Variants in PTBP1 observed in about 807,000 individuals in gnomAD.
The protein encoded by PTBP1 is polypyrimidine tract-binding protein 1.
PTBP1 carries 8 observed loss-of-function variants against 59.8 expected under a neutral mutation model. The observed-to-expected ratio is 0.13, with a 90% CI of 0.08 to 0.24. The LOEUF is 0.24. Among genes scored for constraint, PTBP1 ranks in the 10% least tolerant of loss-of-function variants. The pLI is 1.00. For synonymous variants in PTBP1, 490 were observed against 320.7 expected, an observed-to-expected ratio of 1.53 and a Z score of -5.64; for missense variants, 686 against 767.0, an observed-to-expected ratio of 0.89 and a Z score of 1.25.
chr19:810,843 G>T lies in PTBP1; in HGVS notation c.*17G>T. On this transcript the variant is annotated 3_prime_UTR_variant, in exon 15 of 15. Coordinates refer to ENST00000356948, the MANE Select transcript of PTBP1 (RefSeq NM_002819.5). ...ACCATCTAGGGGCACAGGCCCCCAC[G>T]GCCGGGCCCCCTGGCGACAACTTCC... is the stretch of plus-strand genomic sequence containing the variant. 6.6e-7 allele frequency: 1 copy of T among 1,519,350 alleles called. No individual in the cohort carries two copies. The allele number at this position is 1,519,350 out of a possible 1,614,324, so 94.1% of individuals were successfully genotyped here. A position where few individuals can be genotyped will look rare whatever the true frequency, so the allele number is the denominator to read the frequency against.
chr19:810,763 G>A lies in PTBP1; in HGVS notation c.1611G>A (p.Leu537=), dbSNP rs529447940. The A allele has an allele frequency of 6.2e-7, 1 of 1,606,138 alleles. No homozygotes were observed. Among genetic ancestry groups the A allele is most frequent in the Admixed American group, 1.7e-5 (1 of 58,130 alleles). ...AGGCGGTCCAGGCCCTCATTGACCT[G>A]CACAACCACGACCTCGGGGAGAACC... The part of the protein sequence containing the change: ...VEEAVQALID[L]HNHDLGENHH... The change falls in exon 15 of 15, where the codon CTG becomes CTA. Residue 537 remains leucine (L), a synonymous_variant. Transcript: ENST00000356948.
intron 1 of PTBP1, among the ~76,000 whole-genome samples, chr19:798,193 C>T (rs1410589450): frequency 2.0e-5 from 3 of 151,966 alleles, no homozygotes; most frequent in Non-Finnish European, 2.9e-5. Flanking sequence ...GCCCCGGGGC[C>T]GGAGGGGCCT....
chr19:810,643 C>G, intron 14 of PTBP1, 23 bp downstream of exon 14: 2 of 1,612,618 alleles, frequency 1.2e-6, no homozygotes, highest in Non-Finnish European at 1.7e-6. Flanking sequence ...CGGGCTGTCC[C>G]TGGCTCTCCC....
chr19:801,675 G>A (rs1435443058), intron 2 of PTBP1, among the ~76,000 whole-genome samples: 3 of 152,236 alleles, frequency 2.0e-5, no homozygotes, highest in East Asian at 1.9e-4. Flanking sequence ...GGGGAGAGCA[G>A]ACAGGAAGCG....
rs760385060 is a variant in PTBP1 at position 810,587 on chromosome 19, A to T, written c.1508A>T (p.Asn503Ile). The T allele has an allele frequency of 3.7e-6, 6 of 1,613,474 alleles. No individual in the cohort carries two copies. Among genetic ancestry groups the T allele is most frequent in the Non-Finnish European group, 5.1e-6 (6 of 1,179,854 alleles). Residue 503 changes from asparagine to isoleucine, a missense_variant, in exon 14 of 15, where the codon AAT (asparagine) becomes ATT (isoleucine). Transcript: ENST00000356948. ...GATCTCAAGGTCCTGTTTTCCAGCA[A>T]TGGGGGCGTCGTCAAAGGATTCAAG... ...EEDLKVLFSS[N>I]GGVVKGFKFF... is the part of the protein sequence containing the mutation.
At position 804,648 on chromosome 19, in the gene PTBP1, C is replaced by G; in HGVS notation, c.552C>G (p.Leu184=). 1 of 1,613,088 alleles carries G rather than the reference C, an allele frequency of 6.2e-7. No homozygotes were observed. Among genetic ancestry groups the G allele is most frequent in the Non-Finnish European group, 8.5e-7 (1 of 1,179,846 alleles). ...CGATGGCCGGGCAGAGCCCCGTGCT[C>G]AGGATCATCGTGGAGAACCTCTTCT... ...GMAMAGQSPV[L]RIIVENLFYP... Residue 184 remains leucine (L), a synonymous_variant, in exon 6 of 15, where the codon CTC becomes CTG. Transcript: ENST00000356948.
In PTBP1 at chr19:811,753, G is replaced by C. The variant is rs2034886984; in HGVS notation, c.*927G>C. The C allele has an allele frequency of 6.6e-6, 1 of 152,422 alleles. No individual in the cohort carries two copies. Among genetic ancestry groups the C allele is most frequent in the African/African-American group, 2.4e-5 (1 of 41,458 alleles). 9.4% of individuals were successfully genotyped at this position (152,422 alleles called of 1,614,324 possible). A position where few individuals can be genotyped will look rare whatever the true frequency, so the allele number is the denominator to read the frequency against. On this transcript the variant is annotated 3_prime_UTR_variant, in exon 15 of 15. Coordinates refer to ENST00000356948, the MANE Select transcript of PTBP1 (RefSeq NM_002819.5). ...GCTTCAGGGAAGGGGCGGGCGTGTCGCCGCCTCTGGCATCGCCTCCGGTTG... is the reference window on the plus strand; with the variant it reads ...GCTTCAGGGAAGGGGCGGGCGTGTCCCCGCCTCTGGCATCGCCTCCGGTTG...
intron 1 of PTBP1, 54 bp from the exon 2 acceptor site, chr19:799,359 C>A (rs781605811): frequency 1.3e-6 from 2 of 1,568,508 alleles, no homozygotes; most frequent in Non-Finnish European, 1.8e-6. Flanking sequence ...GCTGGGTGCT[C>A]CTGCTGCTGA....
At chr19:806,303 C>G (rs529294971) in intron 9 of PTBP1, 105 bp from the exon 10 acceptor site, 3 of 1,306,732 alleles carry the variant, frequency 2.3e-6, no homozygotes, top group Non-Finnish European at 3.0e-6. Context: ...GGCCGCCTCC[C>G]GCGCGGCTCG....
chr19:798,118 G>A (rs2034162040), intron 1 of PTBP1, among the ~76,000 whole-genome samples: 1 of 151,688 alleles, frequency 6.6e-6, no homozygotes, highest in Non-Finnish European at 1.5e-5. Context: ...CGTGCGCCCC[G>A]GGCCGCGGCC....
chr19:802,431 G>A (rs2034374914), intron 2 of PTBP1, among the ~76,000 whole-genome samples: 1 of 151,594 alleles, frequency 6.6e-6, no homozygotes, highest in East Asian at 1.9e-4. Context: ...ACCAGGCATG[G>A]GGGTGTGTGG....
intron 10 of PTBP1, chr19:807,193 C>A (rs2034622719): frequency 6.6e-6 from 1 of 152,438 alleles, no homozygotes; most frequent in East Asian, 1.9e-4. Flanking sequence ...TGCTGTCCCT[C>A]CAGCTCCTCC....
intron 2 of PTBP1, among the ~76,000 whole-genome samples, chr19:802,949 A>G (rs2145037864): frequency 6.6e-6 from 1 of 152,342 alleles, no homozygotes; most frequent in African/African-American, 2.4e-5. Context: ...ATACCAGCGG[A>G]TCACTGGGCG....
chr19:806,686 G>C (rs2034595899), intron 10 of PTBP1, 130 bp downstream of exon 10: 2 of 818,970 alleles, frequency 2.4e-6, no homozygotes, highest in Non-Finnish European at 3.5e-6. Context: ...CAGCCCCTCT[G>C]CTGCAGCGCT....
At chr19:799,100 C>T (rs547428136) in intron 1 of PTBP1, among the ~76,000 whole-genome samples, 12 of 152,360 alleles carry the variant, frequency 7.9e-5, no homozygotes, top group South Asian at 2.1e-4. Context: ...ATCTAGCATT[C>T]CTCGGGGCTT....
At chr19:807,400 C>T (rs900271639) in intron 10 of PTBP1, 1 of 159,304 alleles carries the variant, frequency 6.3e-6, no homozygotes, top group Non-Finnish European at 1.4e-5. Flanking sequence ...AGCGCTGTCT[C>T]TGCCGGCATG....
In PTBP1 at chr19:808,832, T is replaced by A; in HGVS notation, c.1463+70T>A. 1 of 1,435,560 alleles carries A rather than the reference T, an allele frequency of 7.0e-7. No individual in the cohort carries two copies. The highest frequency in any genetic ancestry group is 9.6e-7 in the Non-Finnish European group (1 of 1,042,526). The allele number at this position is 1,435,560 out of a possible 1,614,324, so 88.9% of individuals were successfully genotyped here. ...GGCTCTGCTTGGCTGTCCTACCGCG[T>A]CGGTGTGTGGACTTCTGGCGTTTCC... On this transcript the variant is annotated intron_variant, in intron 13 of 14. Coordinates refer to ENST00000356948, the MANE Select transcript of PTBP1 (RefSeq NM_002819.5). This position sits in a 1 kb window ranked among gnomAD's most constrained non-coding sequence, Gnocchi z 4.7.
chr19:799,478 C>G, intron 2 of PTBP1, 35 bp downstream of exon 2: 1 of 1,611,558 alleles, frequency 6.2e-7, no homozygotes, highest in Non-Finnish European at 8.5e-7. Context: ...CCGTGACGCT[C>G]CTCTGACCTT....
chr19:805,520 G>T lies in PTBP1; in HGVS notation c.921G>T (p.Pro307=), dbSNP rs374644173. The T allele has an allele frequency of 1.9e-6, 3 of 1,613,818 alleles. No homozygotes were observed. Among genetic ancestry groups the T allele is most frequent in the South Asian group, 1.1e-5 (1 of 91,090 alleles). ...FGAPGIISAS[P]YAGAGFPPTF... is the part of the protein sequence containing the mutation. ...CACCTGGTATAATCTCAGCCTCTCC[G>T]TATGCAGGAGCTGGTTTCCCTCCCA... The change falls in exon 9 of 15, where the codon CCG becomes CCT. Residue 307 remains proline, a synonymous_variant. Coordinates refer to ENST00000356948, the MANE Select transcript of PTBP1 (RefSeq NM_002819.5).
Sources: allele counts gnomAD v4.1 joint callset (sites outside exome capture counted in the v4.1 genomes callset), GRCh38; gene constraint gnomAD v4.1.1; non-coding constraint Gnocchi (gnomAD v3.1); transcripts MANE v1.5; gene names NCBI Gene and HGNC (gene_info 2026-07-23, HGNC 2026-07-21).